The following STRN variants were observed in gnomAD, a reference collection of about 807,000 sequenced individuals.
The protein encoded by STRN is protein phosphatase 2 regulatory subunit B'''alpha.
STRN carries 53 observed loss-of-function variants against 96.3 expected under a neutral mutation model. The observed-to-expected ratio is 0.55, with a 90% CI of 0.44 to 0.69. STRN has a LOEUF of 0.69. Ranked by LOEUF, STRN falls within the 30% of genes least tolerant of loss-of-function variation. STRN has a pLI of 0.00. For synonymous variants in STRN, 428 were observed against 355.9 expected (o/e 1.20, Z -2.28); for missense variants, 987 against 963.9 (o/e 1.02, Z -0.32).
At chr2:36,871,964 G>T (rs1341824846) in intron 10 of STRN, among the ~76,000 whole-genome samples, 2 of 152,202 alleles carry the variant, frequency 1.3e-5, no homozygotes, top group Admixed American at 6.5e-5. Flanking sequence ...TGTAACTACT[G>T]GGGCTGGTTA....
chr2:36,895,118 G>C (rs1417588057), intron 6 of STRN, among the ~76,000 whole-genome samples: 1 of 152,098 alleles, frequency 6.6e-6, no homozygotes, highest in African/African-American at 2.4e-5. Flanking sequence ...AAGAGGTCAG[G>C]AGATCGAGAC....
chr2:36,957,742 G>GGT (rs1664924924), intron 1 of STRN, among the ~76,000 whole-genome samples: 1 of 103,132 alleles, frequency 9.7e-6, no homozygotes, highest in South Asian at 3.6e-4. Flanking sequence ...TCTTCTTTTT[G>GGT]TCTTTTTTTT....
chr2:36,914,222 C>T (rs1334951921), intron 3 of STRN, among the ~76,000 whole-genome samples: 2 of 152,266 alleles, frequency 1.3e-5, no homozygotes, highest in East Asian at 3.9e-4. Flanking sequence ...AACTCCTAGC[C>T]TTAAGCAATC....
chr2:36,928,236 T>A (rs1278251763), intron 1 of STRN, among the ~76,000 whole-genome samples: 3 of 152,040 alleles, frequency 2.0e-5, no homozygotes, highest in Non-Finnish European at 4.4e-5. Context: ...CAGCTAAAAA[T>A]TCTCCAGATA....
intron 6 of STRN, among the ~76,000 whole-genome samples, chr2:36,898,099 C>T (rs1434199225): frequency 6.6e-6 from 1 of 152,126 alleles, no homozygotes; most frequent in African/African-American, 2.4e-5. Flanking sequence ...TCATATGTAA[C>T]AGTTTTAATA....
intron 7 of STRN, among the ~76,000 whole-genome samples, chr2:36,891,959 GAA>G (rs1239719843): frequency 6.6e-6 from 1 of 151,968 alleles, no homozygotes; most frequent in Non-Finnish European, 1.5e-5. Flanking sequence ...CTTCAGAGAA[GAA>G]ATATACCAAA....
Position 36,897,444 on chromosome 2 carries a change from TA to T in STRN, c.795+2078del, listed in dbSNP as rs1237657393. Reference sequence around the variant, plus strand: ...CAAAAAAAACTAAAAAATATATATATATTTTTTTTTTGAGACAGTCTCGCTC... The same window carrying T: ...CAAAAAAAACTAAAAAATATATATATTTTTTTTTTTGAGACAGTCTCGCTC... On this transcript the variant is annotated intron_variant, in intron 6 of 17. Transcript: ENST00000263918. Among the ~76,000 whole-genome samples the T allele has an allele frequency of 5.7e-4, 81 of 142,522 alleles. 1 individual carries two copies. Among genetic ancestry groups the T allele is most frequent in the South Asian group, 4.5e-3 (21 of 4,692 alleles). The allele number at this position is 142,522 out of a possible 152,430, so 93.5% of individuals were successfully genotyped here.
intron 2 of STRN, among the ~76,000 whole-genome samples, chr2:36,918,079 T>C (rs1670156862): frequency 1.3e-5 from 2 of 152,190 alleles, no homozygotes; most frequent in Admixed American, 1.3e-4. Context: ...ATTAACTATA[T>C]AGATACTTAA....
In STRN at chr2:36,846,787, G is replaced by A. The variant is rs1038436504; in HGVS notation, c.*2669C>T. The A allele has an allele frequency of 6.6e-6, 1 of 151,978 alleles. No individual in the cohort carries two copies. The highest frequency in any genetic ancestry group is 1.5e-5 in the Non-Finnish European group (1 of 67,984). 9.4% of individuals were successfully genotyped at this position (151,978 alleles called of 1,614,324 possible). A position where few individuals can be genotyped will look rare whatever the true frequency, so the allele number is the denominator to read the frequency against. On this transcript the variant is annotated 3_prime_UTR_variant, in exon 18 of 18. Coordinates refer to ENST00000263918, the MANE Select transcript of STRN (RefSeq NM_003162.4). The stretch of plus-strand genomic sequence containing the variant: ...TGTCTATGGTTTGAGTAGCAAATGA[G>A]CTCCATATGACAGTTGAGTTTTGAG...
chr2:36,915,659 A>T (rs1319080746), intron 3 of STRN, among the ~76,000 whole-genome samples: 1 of 152,186 alleles, frequency 6.6e-6, no homozygotes, highest in Non-Finnish European at 1.5e-5. Flanking sequence ...TGTTTTTGGG[A>T]TGAGGAATTC....
At position 36,962,061 on chromosome 2, in the gene STRN, T is replaced by C. The variant is rs557777377; in HGVS notation, c.234+4169A>G. Among the ~76,000 whole-genome samples the C allele has an allele frequency of 1.2e-4, 19 of 152,340 alleles. No homozygotes were observed. In the South Asian group the frequency reaches 3.9e-3, roughly 32 times the overall value. ...TTTCTTTCCCAACATTCTATGTATT[T>C]ATTTATCACTGTCTGCCTGCCTCAA... On this transcript the variant is annotated intron_variant, in intron 1 of 17. Coordinates refer to ENST00000263918, the MANE Select transcript of STRN (RefSeq NM_003162.4).
chr2:36,947,766 C>A (rs1025634967), intron 1 of STRN, among the ~76,000 whole-genome samples: 5 of 151,640 alleles, frequency 3.3e-5, no homozygotes, highest in Non-Finnish European at 7.4e-5. Context: ...CCCTCAACTA[C>A]AAATTAAAAA....
At chr2:36,931,237 C>T (rs1263342446) in intron 1 of STRN, among the ~76,000 whole-genome samples, 3 of 152,094 alleles carry the variant, frequency 2.0e-5, no homozygotes. Flanking sequence ...TTCCAAATTC[C>T]TTAGTTATGA....
intron 1 of STRN, among the ~76,000 whole-genome samples, chr2:36,926,415 A>C (rs1035421556): frequency 6.6e-6 from 1 of 152,208 alleles, no homozygotes; most frequent in Non-Finnish European, 1.5e-5. Context: ...TGACCCACTA[A>C]GACAGGTAAC....
At chr2:36,868,387 G>A (rs1040936011) in intron 11 of STRN, among the ~76,000 whole-genome samples, 3 of 151,996 alleles carry the variant, frequency 2.0e-5, no homozygotes, top group East Asian at 3.9e-4. Flanking sequence ...TTTCCAATAA[G>A]GATAATATGT....
rs763658792 is a variant in STRN at position 36,857,912 on chromosome 2, C to T, written c.1781G>A (p.Arg594His). ...LLSCSADGTL[R>H]LWNTTEVAPA... ...AGCAACCTCAGTTGTATTCCATAAA[C>T]GCAGAGTGCCATCTGCTGAACAGGA... The change falls in exon 14 of 18, where the codon CGT becomes CAT. Residue 594 changes from arginine to histidine, a missense_variant. Transcript: ENST00000263918. 2.5e-6 allele frequency: 4 copies of T among 1,614,050 alleles called. No homozygotes were observed. Among genetic ancestry groups the T allele is most frequent in the Non-Finnish European group, 3.4e-6 (4 of 1,179,976 alleles).
intron 13 of STRN, 96 bp from the exon 14 acceptor site, chr2:36,858,119 A>T: frequency 1.1e-6 from 1 of 916,584 alleles, no homozygotes; most frequent in Non-Finnish European, 1.6e-6. Context: ...ATAGCACCTG[A>T]TAACAGTATA....
chr2:36,850,982 T>C lies in STRN; in HGVS notation c.2086+18A>G. On this transcript the variant is annotated intron_variant, in intron 16 of 17. Coordinates refer to ENST00000263918, the MANE Select transcript of STRN (RefSeq NM_003162.4). Reference sequence around the variant, plus strand: ...TTTTTTTTGCTTTAATAAAAATCAATTCTTAATAAATTCTTACCTGTATTG... The same window carrying C: ...TTTTTTTTGCTTTAATAAAAATCAACTCTTAATAAATTCTTACCTGTATTG... The C allele has an allele frequency of 1.3e-6, 2 of 1,514,626 alleles. No homozygotes were observed. Among genetic ancestry groups the C allele is most frequent in the Non-Finnish European group, 1.8e-6 (2 of 1,118,598 alleles). 93.8% of individuals were successfully genotyped at this position (1,514,626 alleles called of 1,614,324 possible). A position where few individuals can be genotyped will look rare whatever the true frequency, so the allele number is the denominator to read the frequency against.
chr2:36,879,543 C>A (rs1669012840), intron 9 of STRN, among the ~76,000 whole-genome samples: 1 of 152,176 alleles, frequency 6.6e-6, no homozygotes, highest in Non-Finnish European at 1.5e-5. Context: ...AGCAATATGT[C>A]TAATTAAAAT....
Sources: gnomAD v4.1 joint callset for allele counts (sites outside exome capture counted in the v4.1 genomes callset) on GRCh38, gnomAD v4.1.1 for gene constraint, MANE v1.5 for transcripts, NCBI Gene and HGNC (gene_info 2026-07-23, HGNC 2026-07-21) for gene names.